Variants in GAB4 observed in about 807,000 individuals in gnomAD.
The protein encoded by GAB4 is GRB2 associated binding protein family member 4.
In GAB4, 26 loss-of-function variants were observed where a neutral mutation model predicts 51.3. The ratio of observed to expected loss-of-function variants is 0.51; its 90% CI spans 0.37 to 0.70. GAB4 has a LOEUF of 0.70. Ranked by LOEUF, GAB4 falls within the 30% of genes least tolerant of loss-of-function variation. GAB4 has a pLI of 0.00. For synonymous variants in GAB4, 329 were observed against 291.2 expected (o/e 1.13, Z -1.32); for missense variants, 759 against 734.6 (o/e 1.03, Z -0.38).
chr22:16,975,989 C>CAA (rs139267828), intron 3 of GAB4, among the ~76,000 whole-genome samples: 17 of 150,656 alleles, frequency 1.1e-4, no homozygotes, highest in Admixed American at 5.9e-4. Flanking sequence ...TCAACAACAA[C>CAA]AAAAAAAAAC....
chr22:16,978,677 T>C (rs1303385091), intron 3 of GAB4, among the ~76,000 whole-genome samples: 3 of 151,946 alleles, frequency 2.0e-5, no homozygotes, highest in Non-Finnish European at 4.4e-5. Flanking sequence ...CCCTAACTCA[T>C]TTTGTGAGGC....
At chr22:16,994,980 C>A (rs1175656279) in intron 1 of GAB4, among the ~76,000 whole-genome samples, 4 of 152,088 alleles carry the variant, frequency 2.6e-5, no homozygotes, top group African/African-American at 9.7e-5. Flanking sequence ...TTTTTTGCAT[C>A]TATTCAGATG....
intron 1 of GAB4, among the ~76,000 whole-genome samples, chr22:17,002,808 C>T (rs1356740493): frequency 1.3e-5 from 2 of 152,010 alleles, no homozygotes; most frequent in Non-Finnish European, 2.9e-5. Context: ...CACACGTACC[C>T]AAAAACTTAA....
Position 16,962,599 on chromosome 22 carries a change from G to C in GAB4, c.*134C>G, listed in dbSNP as rs528818675. On this transcript the variant is annotated 3_prime_UTR_variant, in exon 10 of 10. Transcript: ENST00000400588. ...CAAAGGCACAGGTGGGCCCCAAGCAGGCAAAGGATGTATATTGATCAGGCC... is the reference window on the plus strand; with the variant it reads ...CAAAGGCACAGGTGGGCCCCAAGCACGCAAAGGATGTATATTGATCAGGCC... 1 of 747,196 alleles carries C rather than the reference G, an allele frequency of 1.3e-6. No individual in the cohort carries two copies. Among genetic ancestry groups the C allele is most frequent in the South Asian group, 3.8e-5 (1 of 26,596 alleles). 46.3% of individuals were successfully genotyped at this position (747,196 alleles called of 1,614,324 possible).
At chr22:16,978,657 A>T (rs2123677752) in intron 3 of GAB4, among the ~76,000 whole-genome samples, 1 of 152,258 alleles carries the variant, frequency 6.6e-6, no homozygotes, top group South Asian at 2.1e-4. Context: ...ATAGAAAAAG[A>T]TGGACTCCTC....
At chr22:16,993,662 A>G (rs534168635) in intron 1 of GAB4, among the ~76,000 whole-genome samples, 1 of 152,144 alleles carries the variant, frequency 6.6e-6, no homozygotes, top group South Asian at 2.1e-4. Flanking sequence ...GAAATACACA[A>G]CCATGCTGCC....
chr22:16,968,478 G>C (rs2060701930), intron 4 of GAB4, 95 bp from the exon 5 acceptor site: 2 of 862,570 alleles, frequency 2.3e-6, no homozygotes, highest in Non-Finnish European at 4.0e-6. Flanking sequence ...TCTCGCTGAT[G>C]CTCTAGAGGA....
At position 16,966,230 on chromosome 22, in the gene GAB4, C is replaced by T; in HGVS notation, c.1158G>A (p.Val386=). 2 of 1,614,060 alleles carry T rather than the reference C, an allele frequency of 1.2e-6. No homozygotes were observed. Among genetic ancestry groups the T allele is most frequent in the South Asian group, 1.1e-5 (1 of 91,078 alleles). Reference sequence around the variant, plus strand: ...GGTCAAAGCGAACAAGACATGAGCCCACAGGGATGCAGACACCCTGGGAAT... The same window carrying T: ...GGTCAAAGCGAACAAGACATGAGCCTACAGGGATGCAGACACCCTGGGAAT... The part of the protein sequence containing the change: ...GDDSQGVCIP[V]GSCLVRFDLL... Residue 386 remains valine, a synonymous_variant, in exon 6 of 10, where the codon GTG becomes GTA. Coordinates refer to ENST00000400588, the MANE Select transcript of GAB4 (RefSeq NM_001037814.1).
chr22:16,974,245 C>T (rs1372472974), intron 3 of GAB4, among the ~76,000 whole-genome samples: 5 of 152,218 alleles, frequency 3.3e-5, no homozygotes, highest in Admixed American at 1.3e-4. Context: ...TTTGGAGAGA[C>T]GCTTGTCTTC....
At chr22:17,007,379 G>C (rs538186521) in intron 1 of GAB4, among the ~76,000 whole-genome samples, 3 of 152,210 alleles carry the variant, frequency 2.0e-5, no homozygotes, top group African/African-American at 7.2e-5. Flanking sequence ...TGGTGGCATG[G>C]AAGGACGCGA....
chr22:16,963,007 T>TG (rs2060641635), intron 9 of GAB4, 131 bp from the exon 10 acceptor site: 4 of 778,536 alleles, frequency 5.1e-6, no homozygotes, highest in Non-Finnish European at 8.1e-6. Context: ...CTCAGCAGCC[T>TG]GGGGGGCCTG....
At chr22:16,974,915 G>A (rs962770425) in intron 3 of GAB4, among the ~76,000 whole-genome samples, 4 of 152,304 alleles carry the variant, frequency 2.6e-5, no homozygotes, top group African/African-American at 9.6e-5. Flanking sequence ...AAGTGTTGGG[G>A]AACTCCCTCC....
intron 1 of GAB4, among the ~76,000 whole-genome samples, chr22:17,003,896 A>T (rs974512582): frequency 2.0e-5 from 3 of 151,958 alleles, no homozygotes; most frequent in Admixed American, 6.6e-5. Flanking sequence ...GCTGTTTTTT[A>T]AAAAATTAGA....
intron 5 of GAB4, among the ~76,000 whole-genome samples, 171 bp downstream of exon 5, chr22:16,968,127 T>C: frequency 6.6e-6 from 1 of 152,178 alleles, no homozygotes; most frequent in Non-Finnish European, 1.5e-5. Flanking sequence ...TGGATACCAG[T>C]ATCTCACTTA....
intron 1 of GAB4, among the ~76,000 whole-genome samples, chr22:16,998,968 C>T (rs1191101650): frequency 6.6e-6 from 1 of 152,186 alleles, no homozygotes; most frequent in Non-Finnish European, 1.5e-5. Flanking sequence ...GTTGAACCAG[C>T]CTTGCATCCC....
At chr22:16,978,543 G>A (rs574252161) in intron 3 of GAB4, among the ~76,000 whole-genome samples, 6 of 152,186 alleles carry the variant, frequency 3.9e-5, no homozygotes, top group South Asian at 2.1e-4. Flanking sequence ...GTAATTAATC[G>A]CCTACCAACC....
intron 5 of GAB4, among the ~76,000 whole-genome samples, chr22:16,967,756 T>C (rs572652744): frequency 6.6e-6 from 1 of 152,294 alleles, no homozygotes; most frequent in African/African-American, 2.4e-5. Context: ...CGCCAGGCCT[T>C]GTTGCTTGTC....
chr22:16,991,714 T>G (rs1569106653), intron 2 of GAB4, among the ~76,000 whole-genome samples, 159 bp downstream of exon 2: 2 of 152,112 alleles, frequency 1.3e-5, no homozygotes, highest in South Asian at 4.2e-4. Flanking sequence ...AGGATGGTAG[T>G]GGTATCGAGG....
rs7287261 is a variant in GAB4 at position 16,974,279 on chromosome 22, T to C, written c.687-4086A>G. 9.7e-3 allele frequency among the ~76,000 whole-genome samples: 1,477 copies of C among 152,346 alleles called. 24 individuals are homozygous for C. The highest frequency in any genetic ancestry group is 0.034 in the African/African-American group (1,425 of 41,582). On this transcript the variant is annotated intron_variant, in intron 3 of 9. Transcript: ENST00000400588. Reference sequence around the variant, plus strand: ...TCCAGGACTGCAGGCTGACAGAAGCTGCATAAAACAGGTAAGACCCTGTGT... The same window carrying C: ...TCCAGGACTGCAGGCTGACAGAAGCCGCATAAAACAGGTAAGACCCTGTGT...
Sources: allele counts gnomAD v4.1 joint callset (sites outside exome capture counted in the v4.1 genomes callset), GRCh38; gene constraint gnomAD v4.1.1; transcripts MANE v1.5; gene names NCBI Gene and HGNC (gene_info 2026-07-23, HGNC 2026-07-21).